ADGRB3: variants seen among roughly 807,000 people sequenced by gnomAD.
The protein encoded by ADGRB3 is adhesion G protein-coupled receptor B3.
In ADGRB3, 37 loss-of-function variants were observed where a neutral mutation model predicts 193.4. The ratio of observed to expected loss-of-function variants is 0.19; its 90% CI spans 0.15 to 0.25. The LOEUF (loss-of-function observed/expected upper bound fraction) is 0.25, where lower values mean the gene tolerates loss of function less well. ADGRB3 is among the 10% of genes least tolerant of loss of function. The probability of loss-of-function intolerance (pLI) is 1.00; values close to 1 mark genes in which losing one functional copy is unlikely to be tolerated. For missense variants in ADGRB3, 1,637 were observed against 1,852.9 expected (o/e 0.88, Z 2.14); for synonymous variants, 690 against 644.2 (o/e 1.07, Z -1.08).
intron 3 of ADGRB3, among the ~76,000 whole-genome samples, chr6:68,731,854 G>T (rs570748999): frequency 6.6e-6 from 1 of 151,574 alleles, no homozygotes; most frequent in Admixed American, 6.6e-5. Flanking sequence ...GTTTTGTAAA[G>T]TAATGGGCTT....
chr6:68,775,809 G>A (rs1046128931), intron 3 of ADGRB3, among the ~76,000 whole-genome samples: 2 of 152,028 alleles, frequency 1.3e-5, no homozygotes, highest in Non-Finnish European at 2.9e-5. Flanking sequence ...TTGAATCCAG[G>A]CAGCCTGGCT....
intron 17 of ADGRB3, among the ~76,000 whole-genome samples, chr6:69,177,319 T>C (rs1366363132): frequency 6.6e-6 from 1 of 152,132 alleles, no homozygotes; most frequent in Non-Finnish European, 1.5e-5. Context: ...GATATTTTGG[T>C]ATGTTGTGTC....
intron 16 of ADGRB3, among the ~76,000 whole-genome samples, chr6:69,073,982 T>C (rs1772153669): frequency 6.6e-6 from 1 of 152,180 alleles, no homozygotes; most frequent in Admixed American, 6.5e-5. Flanking sequence ...ATGACAATCG[T>C]GATTTAATGT....
At chr6:68,724,220 A>G (rs1765633951) in intron 3 of ADGRB3, among the ~76,000 whole-genome samples, 1 of 151,628 alleles carries the variant, frequency 6.6e-6, no homozygotes, top group South Asian at 2.1e-4. Context: ...TTCCAGGGTC[A>G]TGTAGAGGTC....
intron 3 of ADGRB3, among the ~76,000 whole-genome samples, chr6:68,875,095 C>CTCCT (rs370383240): frequency 5.4e-5 from 6 of 110,472 alleles, no homozygotes; most frequent in East Asian, 4.0e-4. Context: ...TCATTTCTTT[C>CTCCT]TCCTTCCTTC....
At chr6:69,002,827 G>T (rs901279629) in intron 11 of ADGRB3, among the ~76,000 whole-genome samples, 6 of 152,164 alleles carry the variant, frequency 3.9e-5, no homozygotes, top group African/African-American at 1.4e-4. Context: ...TACAACTCTA[G>T]CCTTCAAGAC....
intron 20 of ADGRB3, among the ~76,000 whole-genome samples, chr6:69,294,230 T>C (rs1007249679): frequency 1.9e-4 from 29 of 152,106 alleles, no homozygotes; most frequent in Non-Finnish European, 4.4e-5. Context: ...CATTGTACGT[T>C]GGATTTATCT....
intron 26 of ADGRB3, among the ~76,000 whole-genome samples, chr6:69,340,779 G>A (rs1407994819): frequency 1.3e-5 from 2 of 152,028 alleles, no homozygotes; most frequent in Admixed American, 1.3e-4. Context: ...CCCCACCCTT[G>A]ACAGGACCTG....
chr6:69,123,011 T>A (rs1274696611), intron 17 of ADGRB3, among the ~76,000 whole-genome samples: 2 of 151,386 alleles, frequency 1.3e-5, no homozygotes, highest in Non-Finnish European at 2.9e-5. Flanking sequence ...TGTGTGTGTG[T>A]GTGTGTGTGT....
intron 3 of ADGRB3, among the ~76,000 whole-genome samples, chr6:68,851,807 G>A (rs1768408410): frequency 6.6e-6 from 1 of 151,646 alleles, no homozygotes; most frequent in Non-Finnish European, 1.5e-5. Context: ...TACTTTTCTT[G>A]TGATTATTTC....
At chr6:68,995,233 T>C (rs924863182) in intron 11 of ADGRB3, among the ~76,000 whole-genome samples, 1 of 152,194 alleles carries the variant, frequency 6.6e-6, no homozygotes, top group Non-Finnish European at 1.5e-5. Context: ...CAAGTACTTT[T>C]CCCTGCAGTT....
At chr6:68,686,574 C>T (rs569892242) in intron 3 of ADGRB3, among the ~76,000 whole-genome samples, 1 of 152,134 alleles carries the variant, frequency 6.6e-6, no homozygotes, top group Non-Finnish European at 1.5e-5. Context: ...GCTGATCTGG[C>T]CACAGTGGTT....
At chr6:69,308,982 C>T (rs1385594664) in intron 20 of ADGRB3, among the ~76,000 whole-genome samples, 1 of 151,694 alleles carries the variant, frequency 6.6e-6, no homozygotes, top group African/African-American at 2.4e-5. Context: ...CATGTGCCAA[C>T]ATCATATTTG....
At chr6:69,382,989 A>T in intron 31 of ADGRB3, 54 bp downstream of exon 31, 1 of 1,260,766 alleles carries the variant, frequency 7.9e-7, no homozygotes. Context: ...GTCAGATATT[A>T]TTCCTGCCTT....
At chr6:68,642,087 A>G (rs1303368255) in intron 3 of ADGRB3, among the ~76,000 whole-genome samples, 1 of 152,084 alleles carries the variant, frequency 6.6e-6, no homozygotes, top group Non-Finnish European at 1.5e-5. Flanking sequence ...CTATTAAAAA[A>G]GGTTGTCTCT....
intron 17 of ADGRB3, among the ~76,000 whole-genome samples, chr6:69,131,087 A>G (rs1400851106): frequency 6.6e-6 from 1 of 152,094 alleles, no homozygotes; most frequent in Non-Finnish European, 1.5e-5. Flanking sequence ...TATAGCCATT[A>G]ATTATTTCAG....
intron 3 of ADGRB3, among the ~76,000 whole-genome samples, chr6:68,745,846 A>T (rs535572473): frequency 4.6e-5 from 7 of 152,058 alleles, no homozygotes; most frequent in Middle Eastern, 3.4e-3. Flanking sequence ...TTTCCACTTC[A>T]CAATATAACA....
chr6:68,712,712 T>G (rs1381347567), intron 3 of ADGRB3, among the ~76,000 whole-genome samples: 2 of 151,838 alleles, frequency 1.3e-5, no homozygotes, highest in Non-Finnish European at 2.9e-5. Flanking sequence ...GTTGAATGGA[T>G]TTTGCTTTCC....
intron 3 of ADGRB3, among the ~76,000 whole-genome samples, chr6:68,907,295 C>G (rs1766576348): frequency 6.6e-6 from 1 of 151,876 alleles, no homozygotes. Context: ...ATTAATTCTA[C>G]TGGTTTTAAA....
Sources: gnomAD v4.1 joint callset for allele counts (sites outside exome capture counted in the v4.1 genomes callset) on GRCh38, gnomAD v4.1.1 for gene constraint, MANE v1.5 for transcripts, NCBI Gene and HGNC (gene_info 2026-07-23, HGNC 2026-07-21) for gene names.